RRP15: variants seen among roughly 807,000 people sequenced by gnomAD.
RRP15 encodes the protein RRP15-like protein.
Under a neutral mutation model 27.1 loss-of-function variants are expected in RRP15, and 18 were observed. The ratio of observed to expected loss-of-function variants is 0.66; its 90% CI spans 0.46 to 0.98. The LOEUF is 0.98. Ranked by LOEUF, RRP15 falls within the 50% of genes least tolerant of loss-of-function variation. The pLI is 0.00. For missense variants in RRP15, 359 were observed against 337.8 expected (o/e 1.06, Z -0.49); for synonymous variants, 107 against 109.4 (o/e 0.98, Z 0.14).
chr1:218,287,142 CTTTTTT>C (rs1214536139), intron 1 of RRP15, among the ~76,000 whole-genome samples: 8 of 111,404 alleles, frequency 7.2e-5, no homozygotes, highest in Non-Finnish European at 1.3e-4. Flanking sequence ...TTTTTTTTTT[CTTTTTT>C]TTTTTTTTTT....
intron 4 of RRP15, among the ~76,000 whole-genome samples, chr1:218,323,863 C>T (rs1029394728): frequency 7.9e-5 from 12 of 152,218 alleles, no homozygotes; most frequent in Admixed American, 2.6e-4. Flanking sequence ...GCTCTGAGAT[C>T]AGAGCGGGCA....
At chr1:218,311,814 A>G (rs559499007) in intron 4 of RRP15, among the ~76,000 whole-genome samples, 3 of 152,366 alleles carry the variant, frequency 2.0e-5, no homozygotes, top group South Asian at 4.1e-4. Flanking sequence ...GGCCCGATAG[A>G]TGGCTTCCAA....
At chr1:218,296,513 G>A (rs916934865) in intron 1 of RRP15, among the ~76,000 whole-genome samples, 2 of 151,964 alleles carry the variant, frequency 1.3e-5, no homozygotes, top group African/African-American at 2.4e-5. Flanking sequence ...CAGCGTGGTG[G>A]TGTGTGCCTA....
intron 1 of RRP15, among the ~76,000 whole-genome samples, chr1:218,288,052 A>AAAACT (rs1429592676): frequency 2.0e-5 from 3 of 152,232 alleles, no homozygotes; most frequent in African/African-American, 7.2e-5. Flanking sequence ...GACTAGAAGT[A>AAAACT]AAACTGGAAA....
intron 1 of RRP15, among the ~76,000 whole-genome samples, chr1:218,300,500 A>AT (rs1290504267): frequency 7.9e-5 from 12 of 152,218 alleles, no homozygotes; most frequent in Non-Finnish European, 2.9e-5. Flanking sequence ...AATTGCAAGT[A>AT]TTGTAATCAC....
At chr1:218,304,702 C>T (rs1655868634) in intron 2 of RRP15, among the ~76,000 whole-genome samples, 1 of 152,154 alleles carries the variant, frequency 6.6e-6, no homozygotes, top group South Asian at 2.1e-4. Context: ...TTATGCTTCC[C>T]TCTGATGATC....
intron 4 of RRP15, among the ~76,000 whole-genome samples, chr1:218,310,151 C>A (rs1049344831): frequency 2.0e-5 from 3 of 152,126 alleles, no homozygotes; most frequent in African/African-American, 7.2e-5. Flanking sequence ...TTATATTTAA[C>A]CTTGTCCTAG....
intron 1 of RRP15, among the ~76,000 whole-genome samples, chr1:218,297,169 T>C (rs1044170856): frequency 6.6e-6 from 1 of 152,158 alleles, no homozygotes; most frequent in Non-Finnish European, 1.5e-5. Context: ...ACTAGGCTAT[T>C]AGAAAGTACT....
At chr1:218,302,785 A>G (rs534766236) in intron 2 of RRP15, 57 of 509,330 alleles carry the variant, frequency 1.1e-4, no homozygotes, top group Non-Finnish European at 1.7e-4. Flanking sequence ...ATAGAAATGT[A>G]AACGCTGAGG....
chr1:218,307,814 A>C (rs1252696639), intron 4 of RRP15, among the ~76,000 whole-genome samples, 182 bp downstream of exon 4: 1 of 152,040 alleles, frequency 6.6e-6, no homozygotes, highest in African/African-American at 2.4e-5. Context: ...AAATCCTGCC[A>C]TTTTGCACAT....
rs559457650 is a variant in RRP15, at chr1:218,326,772, A to G, written c.706-4176A>G. Among the ~76,000 whole-genome samples the G allele has an allele frequency of 2.0e-5, 3 of 152,290 alleles. No homozygotes were observed. In the South Asian group the frequency reaches 6.2e-4, roughly 32 times the overall value. ...TAATCCCATTTTTGGTTCTATACCT[A>G]TGCTTTCATCTGTGCAAGCCCATTA... On this transcript the variant is annotated intron_variant, in intron 4 of 4. Transcript: ENST00000366932.
At chr1:218,312,433 T>G (rs1656016410) in intron 4 of RRP15, among the ~76,000 whole-genome samples, 1 of 152,128 alleles carries the variant, frequency 6.6e-6, no homozygotes, top group South Asian at 2.1e-4. Context: ...TTATTTATAT[T>G]TTTGTGAGAT....
At chr1:218,289,379 C>T (rs957576521) in intron 1 of RRP15, among the ~76,000 whole-genome samples, 8 of 152,192 alleles carry the variant, frequency 5.3e-5, no homozygotes, top group Admixed American at 3.9e-4. Context: ...TCCATAGGTG[C>T]AAGATGTTAT....
rs536011112 is a variant in RRP15 at position 218,325,448 on chromosome 1, T to C, written c.706-5500T>C. On this transcript the variant is annotated intron_variant, in intron 4 of 4. Coordinates refer to ENST00000366932, the MANE Select transcript of RRP15 (RefSeq NM_016052.4). ...GACCTCGTATGTCTGAAAATACCTC[T>C]GTTCAGTATTCACATTTCAATAATA... Among the ~76,000 whole-genome samples, 5 of 152,346 alleles carry C rather than the reference T, an allele frequency of 3.3e-5. No homozygotes were observed. The South Asian group carries it at 1.0e-3, about 32-fold the overall frequency.
intron 1 of RRP15, among the ~76,000 whole-genome samples, chr1:218,289,336 T>C (rs1655597945): frequency 6.6e-6 from 1 of 152,236 alleles, no homozygotes; most frequent in Admixed American, 6.5e-5. Flanking sequence ...GCTTCCAGTA[T>C]ATCATATTGC....
intron 1 of RRP15, among the ~76,000 whole-genome samples, chr1:218,289,666 A>G (rs893227648): frequency 6.6e-6 from 1 of 152,114 alleles, no homozygotes; most frequent in African/African-American, 2.4e-5. Flanking sequence ...CCACTACTTT[A>G]GTTCTTGCCC....
intron 1 of RRP15, among the ~76,000 whole-genome samples, 177 bp downstream of exon 1, chr1:218,285,632 C>G (rs1370159899): frequency 6.6e-6 from 1 of 152,008 alleles, no homozygotes; most frequent in Non-Finnish European, 1.5e-5. Flanking sequence ...AGAGAAGTAA[C>G]GCTGTCAACT....
At chr1:218,289,404 G>A (rs543180702) in intron 1 of RRP15, among the ~76,000 whole-genome samples, 17 of 152,182 alleles carry the variant, frequency 1.1e-4, no homozygotes, top group African/African-American at 4.1e-4. Context: ...TATTCCACTC[G>A]TTTTATTCCA....
chr1:218,315,654 T>C (rs962001820), intron 4 of RRP15, among the ~76,000 whole-genome samples: 1 of 151,662 alleles, frequency 6.6e-6, no homozygotes, highest in Non-Finnish European at 1.5e-5. Context: ...GGTTTTACCA[T>C]GTTGGCCAGG....
Sources: allele counts gnomAD v4.1 joint callset (sites outside exome capture counted in the v4.1 genomes callset), GRCh38; gene constraint gnomAD v4.1.1; transcripts MANE v1.5; gene names NCBI Gene and HGNC (gene_info 2026-07-23, HGNC 2026-07-21).